KCNIP4: variants seen among roughly 807,000 people sequenced by gnomAD.
KCNIP4 encodes the protein Kv channel-interacting protein 4.
A neutral mutation model predicts 34.0 loss-of-function variants in KCNIP4; 12 were observed. The observed-to-expected ratio is 0.35, with a 90% CI of 0.23 to 0.57. The LOEUF is 0.57. Among genes scored for constraint, KCNIP4 ranks in the 20% least tolerant of loss-of-function variants. The pLI is 0.83. For synonymous variants in KCNIP4, 124 were observed against 102.2 expected (o/e 1.21, Z -1.29); for missense variants, 238 against 311.7 (o/e 0.76, Z 1.78).
chr4:21,146,326 A>C (rs1752350758), intron 1 of KCNIP4, among the ~76,000 whole-genome samples: 1 of 152,138 alleles, frequency 6.6e-6, no homozygotes, highest in Non-Finnish European at 1.5e-5. Context: ...TGAACCCGGG[A>C]GGCGGAGCTT....
chr4:21,756,749 G>A (rs556457496), intron 1 of KCNIP4, among the ~76,000 whole-genome samples: 1 of 152,050 alleles, frequency 6.6e-6, no homozygotes, highest in East Asian at 1.9e-4. Context: ...GAACACTCCT[G>A]AAATTTGCCA....
rs2108978080 is a variant in KCNIP4, at chr4:21,211,335, T to C, written c.62-328626A>G. Reference sequence around the variant, plus strand: ...CCCCCGGGCCACAGACCTGTACCAGTGTGTGTCCTGTTAGGAACTGGGATG... The same window carrying C: ...CCCCCGGGCCACAGACCTGTACCAGCGTGTGTCCTGTTAGGAACTGGGATG... On this transcript the variant is annotated intron_variant, in intron 1 of 8. Coordinates refer to ENST00000382152, the MANE Select transcript of KCNIP4 (RefSeq NM_025221.6). Among the ~76,000 whole-genome samples, 4 of 152,280 alleles carry C rather than the reference T, an allele frequency of 2.6e-5. 1 individual carries two copies. The South Asian group carries it at 8.3e-4, about 32-fold the overall frequency.
intron 1 of KCNIP4, among the ~76,000 whole-genome samples, chr4:21,940,423 T>C (rs1730138975): frequency 6.6e-6 from 1 of 152,162 alleles, no homozygotes; most frequent in Non-Finnish European, 1.5e-5. Flanking sequence ...CATCCTTAAC[T>C]CTGTTATGAG....
At chr4:20,792,093 G>A (rs914287768) in intron 3 of KCNIP4, among the ~76,000 whole-genome samples, 1 of 152,206 alleles carries the variant, frequency 6.6e-6, no homozygotes, top group African/African-American at 2.4e-5. Flanking sequence ...CAAGATAGAG[G>A]CTGGGTGCAA....
intron 1 of KCNIP4, among the ~76,000 whole-genome samples, chr4:21,918,895 T>C (rs1401862803): frequency 1.3e-5 from 2 of 152,140 alleles, no homozygotes; most frequent in East Asian, 1.9e-4. Flanking sequence ...TCCTGAGATC[T>C]TGGAACTCCA....
chr4:21,418,325 T>C (rs145479353), intron 1 of KCNIP4, among the ~76,000 whole-genome samples: 1 of 152,180 alleles, frequency 6.6e-6, no homozygotes, highest in Admixed American at 6.5e-5. Flanking sequence ...ATAGGTATTG[T>C]ACCATTAAAA....
chr4:21,481,392 G>A (rs939101747), intron 1 of KCNIP4, among the ~76,000 whole-genome samples: 8 of 152,088 alleles, frequency 5.3e-5, no homozygotes, highest in African/African-American at 9.7e-5. Context: ...GAAAGGGGAC[G>A]CCTGGAGAAG....
At chr4:21,249,507 C>G (rs962717533) in intron 1 of KCNIP4, among the ~76,000 whole-genome samples, 1 of 151,890 alleles carries the variant, frequency 6.6e-6, no homozygotes, top group Non-Finnish European at 1.5e-5. Context: ...CAAGCAATAA[C>G]CATGTCAGGC....
intron 1 of KCNIP4, among the ~76,000 whole-genome samples, chr4:21,640,519 G>T (rs1210088513): frequency 6.6e-6 from 1 of 152,056 alleles, no homozygotes; most frequent in Admixed American, 6.6e-5. Flanking sequence ...CTCTTATTCT[G>T]CAGTACAGGA....
At chr4:20,730,163 G>A in intron 8 of KCNIP4, 34 bp from the exon 9 acceptor site, 2 of 1,584,492 alleles carry the variant, frequency 1.3e-6, no homozygotes, top group Non-Finnish European at 8.6e-7. Flanking sequence ...ATTAAATTCA[G>A]CATATCTGCA....
chr4:21,694,944 AT>A (rs35304550), intron 1 of KCNIP4, among the ~76,000 whole-genome samples: 734 of 53,174 alleles, frequency 0.014, 47 homozygotes, highest in African/African-American at 0.055. Context: ...AAATAAATAA[AT>A]AAATAAAGGG....
chr4:21,541,180 C>CAAAAAAAAAAA (rs60459395), intron 1 of KCNIP4, among the ~76,000 whole-genome samples: 19 of 107,488 alleles, frequency 1.8e-4, no homozygotes, highest in Non-Finnish European at 3.0e-4. Context: ...CAAAAGAAAA[C>CAAAAAAAAAAA]AAAAAAAAAA....
intron 5 of KCNIP4, among the ~76,000 whole-genome samples, chr4:20,745,026 C>T (rs369766675): frequency 4.9e-4 from 74 of 152,240 alleles, no homozygotes; most frequent in African/African-American, 1.7e-3. Flanking sequence ...CTAAGAATGA[C>T]TCCCCAGACT....
At chr4:20,952,113 T>A (rs1414416477) in intron 1 of KCNIP4, among the ~76,000 whole-genome samples, 1 of 152,130 alleles carries the variant, frequency 6.6e-6, no homozygotes, top group African/African-American at 2.4e-5. Flanking sequence ...TACAAATACA[T>A]TTAACAGGAA....
Position 21,867,510 on chromosome 4 carries a change from G to A in KCNIP4, c.61+81061C>T, listed in dbSNP as rs535826197. Reference sequence around the variant, plus strand: ...ACAGCAGCTTCTACAGACCAGTAGCGTTCTTCCAGTTCCTTAAAACAGATC... The same window carrying A: ...ACAGCAGCTTCTACAGACCAGTAGCATTCTTCCAGTTCCTTAAAACAGATC... On this transcript the variant is annotated intron_variant, in intron 1 of 8. Coordinates refer to ENST00000382152, the MANE Select transcript of KCNIP4 (RefSeq NM_025221.6). Among the ~76,000 whole-genome samples the A allele has an allele frequency of 6.6e-5, 10 of 152,254 alleles. No homozygotes were observed. In the South Asian group the frequency reaches 1.2e-3, roughly 19 times the overall value.
intron 1 of KCNIP4, among the ~76,000 whole-genome samples, chr4:21,027,535 G>A (rs915560019): frequency 2.7e-4 from 41 of 149,458 alleles, no homozygotes; most frequent in South Asian, 1.3e-3. Context: ...ATAATTTTGG[G>A]ATTTATAATA....
Position 20,933,393 on chromosome 4 carries a change from C to T in KCNIP4, c.62-50684G>A, listed in dbSNP as rs144104660. Among the ~76,000 whole-genome samples the T allele has an allele frequency of 4.2e-3, 643 of 152,116 alleles. 4 individuals are homozygous for T. Among genetic ancestry groups the T allele is most frequent in the African/African-American group, 0.015 (605 of 41,476 alleles). ...CATACAAGTAAATAGATATTTATAACATAATCTGATAAGTAAATGTTCTAA... is the reference window on the plus strand; with the variant it reads ...CATACAAGTAAATAGATATTTATAATATAATCTGATAAGTAAATGTTCTAA... On this transcript the variant is annotated intron_variant, in intron 1 of 8. Coordinates refer to ENST00000382152, the MANE Select transcript of KCNIP4 (RefSeq NM_025221.6).
chr4:21,662,582 C>T (rs374751129), intron 1 of KCNIP4, among the ~76,000 whole-genome samples: 2 of 152,266 alleles, frequency 1.3e-5, no homozygotes, highest in East Asian at 3.9e-4. Flanking sequence ...CTACTTAGGC[C>T]TCCTATGTAA....
intron 1 of KCNIP4, among the ~76,000 whole-genome samples, chr4:21,819,661 A>AT (rs1722209561): frequency 6.6e-6 from 1 of 152,150 alleles, no homozygotes; most frequent in Admixed American, 6.6e-5. Context: ...AATGATTTTT[A>AT]TTTTTAAAAA....
Sources: gnomAD v4.1 joint callset for allele counts (sites outside exome capture counted in the v4.1 genomes callset) on GRCh38, gnomAD v4.1.1 for gene constraint, MANE v1.5 for transcripts, NCBI Gene and HGNC (gene_info 2026-07-23, HGNC 2026-07-21) for gene names.